The following TFAP2E variants were observed in gnomAD, a reference collection of about 807,000 sequenced individuals.
TFAP2E encodes the protein transcription factor AP-2-epsilon.
A neutral mutation model predicts 37.9 loss-of-function variants in TFAP2E; 30 were observed. That is an observed-to-expected ratio of 0.79 (90% CI 0.59 to 1.07). TFAP2E has a LOEUF of 1.07. Among genes scored for constraint, TFAP2E ranks in the 50% least tolerant of loss-of-function variants. TFAP2E has a pLI of 0.00. For missense variants in TFAP2E, 567 were observed against 637.9 expected (o/e 0.89, Z 1.20); for synonymous variants, 318 against 295.8 (o/e 1.08, Z -0.77).
At position 35,590,702 on chromosome 1, in the gene TFAP2E, G is replaced by C. The variant is rs753786173; in HGVS notation, c.973G>C (p.Ala325Pro). ...CETEFPAKAA[A>P]EYLCRQHADP... ...GACGGAGTTCCCAGCCAAGGCAGCT[G>C]CCGAGTACCTGTGCCGACAGCACGC... The change falls in exon 6 of 7, where the codon GCC becomes CCC. Residue 325 changes from alanine to proline, a missense_variant. By Grantham distance (27) the Ala-to-Pro change is conservative. Around this residue, in one of 3 missense-constraint regions of TFAP2E, gnomAD observed 252 missense variants for 302.6 expected, o/e 0.83. Coordinates refer to ENST00000373235, the MANE Select transcript of TFAP2E (RefSeq NM_178548.4). The surrounding 1 kb of genome is among the most constrained non-coding windows in gnomAD (Gnocchi z 6.2). 1 of 1,557,778 alleles carries C rather than the reference G, an allele frequency of 6.4e-7. No homozygotes were observed. Among genetic ancestry groups the C allele is most frequent in the Non-Finnish European group, 8.8e-7 (1 of 1,142,562 alleles).
Position 35,589,937 on chromosome 1 carries a change from T to C in TFAP2E, c.793T>C (p.Ser265Pro), listed in dbSNP as rs1649607761. 2 of 1,613,844 alleles carry C rather than the reference T, an allele frequency of 1.2e-6. No individual in the cohort carries two copies. Among genetic ancestry groups the C allele is most frequent in the South Asian group, 2.2e-5 (2 of 91,086 alleles). The change falls in exon 5 of 7, where the codon TCC (serine) becomes CCC (proline). Residue 265 changes from serine (S) to proline (P), a missense_variant. By Grantham distance (74) the Ser-to-Pro change is moderately conservative. Around this residue, in one of 3 missense-constraint regions of TFAP2E, gnomAD observed 252 missense variants for 302.6 expected, o/e 0.83. Transcript: ENST00000373235. ...GTCTCTGTGCATGTCAAGGGCCAAG[T>C]CCAAAAATGGGGGCCGGTGTTTGCG... ...LLGGVLRRAKSKNGGRCLRER... is the reference protein window; with the variant it reads ...LLGGVLRRAKPKNGGRCLRER...
intron 3 of TFAP2E, among the ~76,000 whole-genome samples, chr1:35,578,507 A>G (rs1649248428): frequency 6.6e-6 from 1 of 151,496 alleles, no homozygotes; most frequent in Non-Finnish European, 1.5e-5. Context: ...GTCAAGGATG[A>G]GAACTGAGAT....
rs1449394522 is a variant in TFAP2E, at chr1:35,587,707, C to T, written c.563-623C>T. Among the ~76,000 whole-genome samples, 3 of 150,732 alleles carry T rather than the reference C, an allele frequency of 2.0e-5. No individual in the cohort carries two copies. The East Asian group carries it at 5.9e-4, about 29-fold the overall frequency. The stretch of plus-strand genomic sequence containing the variant: ...TCAGATTCCTTCTCTGGTCTTCAGA[C>T]AATTAGTAGATAATTAGGGAGTGTT... On this transcript the variant is annotated intron_variant, in intron 3 of 6. Coordinates refer to ENST00000373235, the MANE Select transcript of TFAP2E (RefSeq NM_178548.4).
At chr1:35,581,972 T>C (rs1227268080) in intron 3 of TFAP2E, among the ~76,000 whole-genome samples, 9 of 152,004 alleles carry the variant, frequency 5.9e-5, no homozygotes, top group African/African-American at 2.2e-4. Context: ...GCCTCCTGGG[T>C]TCAAGCAATT....
At position 35,573,740 on chromosome 1, in the gene TFAP2E, C is replaced by T. The variant is rs1222337794; in HGVS notation, c.27+136C>T. 2 of 1,417,052 alleles carry T rather than the reference C, an allele frequency of 1.4e-6. No homozygotes were observed. The highest frequency in any genetic ancestry group is 3.0e-5 in the African/African-American group (2 of 66,774). The allele number at this position is 1,417,052 out of a possible 1,614,324, so 87.8% of individuals were successfully genotyped here. A position where few individuals can be genotyped will look rare whatever the true frequency, so the allele number is the denominator to read the frequency against. On this transcript the variant is annotated intron_variant, in intron 1 of 6. Transcript: ENST00000373235. The surrounding 1 kb of genome is among the most constrained non-coding windows in gnomAD (Gnocchi z 5.9). ...GCAGGGACTTCGCCAGCTGAGAACG[C>T]GATGCGCAAGTGACCGCTGTCCCCA...
Position 35,575,918 on chromosome 1 carries a change from G to C in TFAP2E, c.562+918G>C, listed in dbSNP as rs940257625. Among the ~76,000 whole-genome samples the C allele has an allele frequency of 2.0e-5, 3 of 152,332 alleles. No individual in the cohort carries two copies. In the East Asian group the frequency reaches 5.8e-4, roughly 29 times the overall value. ...GGCCTGAGGACCAAGTACTGGCCATGACAGGGGAAGGTGAGAGACGACAAA... is the reference window on the plus strand; with the variant it reads ...GGCCTGAGGACCAAGTACTGGCCATCACAGGGGAAGGTGAGAGACGACAAA... On this transcript the variant is annotated intron_variant, in intron 3 of 6. Transcript: ENST00000373235.
Position 35,573,743 on chromosome 1 carries a change from T to C in TFAP2E, c.27+139T>C. On this transcript the variant is annotated intron_variant, in intron 1 of 6. Coordinates refer to ENST00000373235, the MANE Select transcript of TFAP2E (RefSeq NM_178548.4). The surrounding 1 kb of genome is among the most constrained non-coding windows in gnomAD (Gnocchi z 5.9). ...GGGACTTCGCCAGCTGAGAACGCGA[T>C]GCGCAAGTGACCGCTGTCCCCAGCC... The C allele has an allele frequency of 7.1e-7, 1 of 1,410,260 alleles. No homozygotes were observed. Among genetic ancestry groups the C allele is most frequent in the Non-Finnish European group, 9.4e-7 (1 of 1,068,608 alleles). The allele number at this position is 1,410,260 out of a possible 1,614,324, so 87.4% of individuals were successfully genotyped here.
chr1:35,579,522 G>C (rs1370030272), intron 3 of TFAP2E, among the ~76,000 whole-genome samples: 7 of 151,862 alleles, frequency 4.6e-5, no homozygotes, highest in Non-Finnish European at 5.9e-5. Flanking sequence ...AGCCTCCCAA[G>C]TAGCTGGGAT....
At chr1:35,581,567 C>CT (rs1021513017) in intron 3 of TFAP2E, among the ~76,000 whole-genome samples, 1 of 148,824 alleles carries the variant, frequency 6.7e-6, no homozygotes, top group Non-Finnish European at 1.5e-5. Context: ...TTAGAATTGT[C>CT]TTTTTTTTCT....
At chr1:35,579,077 C>G (rs78388171) in intron 3 of TFAP2E, among the ~76,000 whole-genome samples, 1 of 55,252 alleles carries the variant, frequency 1.8e-5, no homozygotes, top group Non-Finnish European at 2.8e-5. Context: ...GGGAGACTAT[C>G]TCAAAAAAAA....
At position 35,577,186 on chromosome 1, in the gene TFAP2E, G is replaced by A; in HGVS notation, c.562+2186G>A. ...GAAGGGGCAGGAGCCGGGCACAGTT[G>A]GATCCGGAGGTCGTGACCCAGGGGA... On this transcript the variant is annotated intron_variant, in intron 3 of 6. Coordinates refer to ENST00000373235, the MANE Select transcript of TFAP2E (RefSeq NM_178548.4). This position sits in a 1 kb window ranked among gnomAD's most constrained non-coding sequence, Gnocchi z 6.3. 2.8e-6 allele frequency: 1 copy of A among 355,854 alleles called. No homozygotes were observed. Among genetic ancestry groups the A allele is most frequent in the Non-Finnish European group, 5.6e-6 (1 of 178,714 alleles). 22.0% of individuals were successfully genotyped at this position (355,854 alleles called of 1,614,324 possible).
chr1:35,574,154 C>T lies in TFAP2E; in HGVS notation c.255C>T (p.Gly85=). 1 of 1,434,592 alleles carries T rather than the reference C, an allele frequency of 7.0e-7. No homozygotes were observed. Among genetic ancestry groups the T allele is most frequent in the Non-Finnish European group, 9.1e-7 (1 of 1,094,200 alleles). 88.9% of individuals were successfully genotyped at this position (1,434,592 alleles called of 1,614,324 possible). A position where few individuals can be genotyped will look rare whatever the true frequency, so the allele number is the denominator to read the frequency against. ...CCCACCTGGCAGGGGACCCATATGG[C>T]GGCCTGGCGCCCCTGGCGCAGCCGC... ...AFPHLAGDPY[G]GLAPLAQPQP... is the part of the protein sequence containing the mutation. Residue 85 remains glycine, a synonymous_variant, in exon 2 of 7, where the codon GGC becomes GGT. Transcript: ENST00000373235.
chr1:35,589,729 C>G (rs1311575128), intron 4 of TFAP2E, among the ~76,000 whole-genome samples: 1 of 152,076 alleles, frequency 6.6e-6, no homozygotes, highest in Admixed American at 6.5e-5. Context: ...TGGGTGCTGG[C>G]CCCCCTGCCT....
Position 35,573,921 on chromosome 1 carries a change from C to A in TFAP2E, c.28-6C>A. ...GGTCACCTAAGGCACCCCTCTCCTT[C>A]CCCAGGAGCGCCCCGACGGGCTGGG... On this transcript the variant is annotated splice_region_variant and splice_polypyrimidine_tract_variant and intron_variant, in intron 1 of 6. Coordinates refer to ENST00000373235, the MANE Select transcript of TFAP2E (RefSeq NM_178548.4). This position sits in a 1 kb window ranked among gnomAD's most constrained non-coding sequence, Gnocchi z 5.9. The A allele has an allele frequency of 6.9e-7, 1 of 1,451,650 alleles. No individual in the cohort carries two copies. The highest frequency in any genetic ancestry group is 1.5e-5 in the African/African-American group (1 of 67,248). 89.9% of individuals were successfully genotyped at this position (1,451,650 alleles called of 1,614,324 possible).
At chr1:35,581,235 T>G (rs1290306296) in intron 3 of TFAP2E, among the ~76,000 whole-genome samples, 1 of 152,214 alleles carries the variant, frequency 6.6e-6, no homozygotes. Context: ...ATCAGCAGTT[T>G]GTTTCTTTTT....
At position 35,580,264 on chromosome 1, in the gene TFAP2E, C is replaced by A. The variant is rs190461897; in HGVS notation, c.562+5264C>A. ...GCAGTTGATGAGAAGGAAACTTAAT[C>A]GGCAGGTCCCAGCAGGGGAGATGAG... On this transcript the variant is annotated intron_variant, in intron 3 of 6. Coordinates refer to ENST00000373235, the MANE Select transcript of TFAP2E (RefSeq NM_178548.4). Among the ~76,000 whole-genome samples the A allele has an allele frequency of 1.3e-3, 193 of 152,152 alleles. 1 individual carries two copies. The highest frequency in any genetic ancestry group is 1.9e-3 in the Non-Finnish European group (132 of 67,986).
intron 2 of TFAP2E, 65 bp from the exon 3 acceptor site, chr1:35,574,884 G>C: frequency 6.2e-7 from 1 of 1,610,498 alleles, no homozygotes; most frequent in Non-Finnish European, 8.5e-7. Context: ...GGGTGGCAGG[G>C]GCTTGGGAAG....
At chr1:35,574,643 C>A in intron 2 of TFAP2E, 3 of 731,784 alleles carry the variant, frequency 4.1e-6, no homozygotes, top group Non-Finnish European at 6.5e-6. Flanking sequence ...CGGCAGGGAC[C>A]GAATCACTTC....
At position 35,595,286 on chromosome 1, in the gene TFAP2E, C is replaced by CTATT. The variant is rs1345585445; in HGVS notation, c.*618_*621dup. The CTATT allele has an allele frequency of 3.3e-5, 5 of 153,174 alleles. No individual in the cohort carries two copies. The highest frequency in any genetic ancestry group is 1.3e-4 in the Admixed American group (2 of 15,302). 9.5% of individuals were successfully genotyped at this position (153,174 alleles called of 1,614,324 possible). A position where few individuals can be genotyped will look rare whatever the true frequency, so the allele number is the denominator to read the frequency against. On this transcript the variant is annotated 3_prime_UTR_variant, in exon 7 of 7. Transcript: ENST00000373235. ...CATCATAGTCCTGTTGCTGTCTGTCCTATTTATTTATGTATGTTGTAATTA... is the reference window on the plus strand; with the variant it reads ...CATCATAGTCCTGTTGCTGTCTGTCCTATTTATTTATTTATGTATGTTGTAATTA...
Sources: allele counts gnomAD v4.1 joint callset (sites outside exome capture counted in the v4.1 genomes callset), GRCh38; gene constraint gnomAD v4.1.1; regional missense constraint gnomAD v4.1.1; non-coding constraint Gnocchi (gnomAD v3.1); transcripts MANE v1.5; gene names NCBI Gene and HGNC (gene_info 2026-07-23, HGNC 2026-07-21).